Variants in PTPRD observed in about 807,000 individuals in gnomAD.
PTPRD encodes the protein protein tyrosine phosphatase receptor type D.
Under a neutral mutation model 214.5 loss-of-function variants are expected in PTPRD, and 34 were observed. The ratio of observed to expected loss-of-function variants is 0.16; its 90% CI spans 0.12 to 0.21. The LOEUF is 0.21. Ranked by LOEUF, PTPRD falls within the 10% of genes least tolerant of loss-of-function variation. The pLI, the probability that PTPRD is intolerant of heterozygous loss-of-function variation, is 1.00. For missense variants in PTPRD, 2,545 were observed against 2,398.7 expected (o/e 1.06, Z -1.27); for synonymous variants, 1,128 against 845.7 (o/e 1.33, Z -5.79).
At chr9:9,744,126 G>A (rs2098435723) in intron 6 of PTPRD, among the ~76,000 whole-genome samples, 1 of 151,978 alleles carries the variant, frequency 6.6e-6, no homozygotes, top group African/African-American at 2.4e-5. Context: ...TTTTCGATAG[G>A]AATTTTAACT....
At chr9:8,540,136 G>A (rs2078032314) in intron 14 of PTPRD, among the ~76,000 whole-genome samples, 1 of 151,872 alleles carries the variant, frequency 6.6e-6, no homozygotes, top group African/African-American at 2.4e-5. Flanking sequence ...CTATAAGATT[G>A]GGATCATTTC....
chr9:9,346,288 G>C (rs1373355512), intron 9 of PTPRD, among the ~76,000 whole-genome samples: 1 of 152,100 alleles, frequency 6.6e-6, no homozygotes, highest in Non-Finnish European at 1.5e-5. Flanking sequence ...GCAAACACAA[G>C]TTTACAATCA....
chr9:8,399,791 G>A (rs1365041240), intron 36 of PTPRD, among the ~76,000 whole-genome samples: 2 of 152,250 alleles, frequency 1.3e-5, no homozygotes, highest in Non-Finnish European at 2.9e-5. Flanking sequence ...TTCAAAAGCC[G>A]CTCTGGGCCT....
chr9:9,062,816 G>A (rs1032256571), intron 10 of PTPRD, among the ~76,000 whole-genome samples: 1 of 152,006 alleles, frequency 6.6e-6, no homozygotes, highest in African/African-American at 2.4e-5. Flanking sequence ...GATTTTAATA[G>A]GCACCATGTG....
intron 10 of PTPRD, among the ~76,000 whole-genome samples, chr9:9,072,026 C>T (rs1407932307): frequency 6.6e-6 from 1 of 152,018 alleles, no homozygotes; most frequent in Non-Finnish European, 1.5e-5. Flanking sequence ...CCTGCCAGAC[C>T]GAAGAAGTGA....
intron 7 of PTPRD, among the ~76,000 whole-genome samples, chr9:9,711,571 A>G (rs1204014491): frequency 6.6e-6 from 1 of 152,204 alleles, no homozygotes; most frequent in Non-Finnish European, 1.5e-5. Flanking sequence ...TACTGAGAGT[A>G]TACTATTTCT....
chr9:8,929,224 T>C (rs1439788571), intron 11 of PTPRD, among the ~76,000 whole-genome samples: 1 of 152,142 alleles, frequency 6.6e-6, no homozygotes, highest in Admixed American at 6.6e-5. Context: ...TCCAACACTA[T>C]GTTTAATAGA....
At chr9:10,537,930 C>G (rs1222806884) in intron 2 of PTPRD, among the ~76,000 whole-genome samples, 1 of 152,100 alleles carries the variant, frequency 6.6e-6, no homozygotes. Flanking sequence ...CCCAGTCGAA[C>G]TGAATTAGAA....
At chr9:9,408,994 A>C (rs536882162) in intron 8 of PTPRD, among the ~76,000 whole-genome samples, 21 of 152,072 alleles carry the variant, frequency 1.4e-4, no homozygotes, top group Middle Eastern at 3.4e-3. Flanking sequence ...ATTTATCAAG[A>C]ATATAAGAGA....
chr9:8,631,728 C>T (rs529238754), intron 14 of PTPRD, among the ~76,000 whole-genome samples: 1 of 151,818 alleles, frequency 6.6e-6, no homozygotes, highest in Non-Finnish European at 1.5e-5. Flanking sequence ...AGCACTAAAG[C>T]ATAAGGTCCA....
intron 10 of PTPRD, among the ~76,000 whole-genome samples, chr9:9,166,528 A>T (rs1216532653): frequency 6.6e-6 from 1 of 152,132 alleles, no homozygotes; most frequent in Non-Finnish European, 1.5e-5. Context: ...GGTCCCAAGG[A>T]AATGCTTATG....
At chr9:9,942,539 G>T (rs2091747676) in intron 4 of PTPRD, among the ~76,000 whole-genome samples, 1 of 152,104 alleles carries the variant, frequency 6.6e-6, no homozygotes, top group Admixed American at 6.6e-5. Context: ...AGGGGCAAAT[G>T]AATCTGTAAC....
intron 14 of PTPRD, among the ~76,000 whole-genome samples, chr9:8,612,900 G>A (rs2095498344): frequency 6.6e-6 from 1 of 152,140 alleles, no homozygotes; most frequent in African/African-American, 2.4e-5. Context: ...TTTAAATCAT[G>A]ATGTGTTCTG....
At chr9:10,086,327 C>T (rs1185461724) in intron 3 of PTPRD, among the ~76,000 whole-genome samples, 2 of 151,810 alleles carry the variant, frequency 1.3e-5, no homozygotes, top group African/African-American at 2.4e-5. Flanking sequence ...CCTTACAGTG[C>T]CGTAAAATTT....
At chr9:8,504,161 T>C (rs1424605637) in intron 23 of PTPRD, 100 bp downstream of exon 23, 2 of 1,184,966 alleles carry the variant, frequency 1.7e-6, no homozygotes, top group Non-Finnish European at 2.5e-6. Context: ...AGACTAACTA[T>C]TAAGCATATT....
At chr9:9,019,356 G>C (rs2099553785) in intron 10 of PTPRD, among the ~76,000 whole-genome samples, 1 of 143,052 alleles carries the variant, frequency 7.0e-6, no homozygotes, top group African/African-American at 2.5e-5. Context: ...AAGAAAGAAA[G>C]AAAGAATCTG....
intron 11 of PTPRD, among the ~76,000 whole-genome samples, chr9:8,833,703 T>C (rs918869984): frequency 7.6e-5 from 6 of 78,796 alleles, no homozygotes; most frequent in Admixed American, 2.7e-4. Context: ...TCTCTCTCTA[T>C]ATATATATAT....
chr9:10,148,927 T>C (rs979930202), intron 3 of PTPRD, among the ~76,000 whole-genome samples: 4 of 152,192 alleles, frequency 2.6e-5, no homozygotes, highest in African/African-American at 9.6e-5. Context: ...TTCTATATAC[T>C]GCTAGAGCTG....
chr9:10,405,268 T>C (rs2098335004), intron 2 of PTPRD, among the ~76,000 whole-genome samples: 1 of 151,744 alleles, frequency 6.6e-6, no homozygotes, highest in Admixed American at 6.6e-5. Flanking sequence ...AAAGCTACCA[T>C]GCATCTTGGT....
Sources: gnomAD v4.1 joint callset for allele counts (sites outside exome capture counted in the v4.1 genomes callset) on GRCh38, gnomAD v4.1.1 for gene constraint, MANE v1.5 for transcripts, NCBI Gene and HGNC (gene_info 2026-07-23, HGNC 2026-07-21) for gene names.